ABCD3: variants seen among roughly 807,000 people sequenced by gnomAD.
The protein encoded by ABCD3 is ATP-binding cassette sub-family D member 3.
ABCD3 carries 41 observed loss-of-function variants against 105.5 expected under a neutral mutation model. The ratio of observed to expected loss-of-function variants is 0.39; its 90% CI spans 0.30 to 0.50. ABCD3 has a LOEUF of 0.50. Among genes scored for constraint, ABCD3 ranks in the 20% least tolerant of loss-of-function variants. ABCD3 has a pLI of 0.84. For missense variants in ABCD3, 622 were observed against 806.3 expected (o/e 0.77, Z 2.77); for synonymous variants, 258 against 269.0 (o/e 0.96, Z 0.40).
At chr1:94,448,183 T>A (rs1660430513) in intron 1 of ABCD3, among the ~76,000 whole-genome samples, 2 of 152,194 alleles carry the variant, frequency 1.3e-5, no homozygotes, top group African/African-American at 4.8e-5. Flanking sequence ...CTTATTTGGA[T>A]CAAATTGCTA....
intron 1 of ABCD3, among the ~76,000 whole-genome samples, chr1:94,420,619 A>G (rs1212455030): frequency 6.6e-6 from 1 of 152,136 alleles, no homozygotes. Flanking sequence ...CATGAAGTTT[A>G]AATTGTTGAG....
At chr1:94,421,562 ATGTGTGTG>A (rs3073023) in intron 1 of ABCD3, among the ~76,000 whole-genome samples, 45 of 149,028 alleles carry the variant, frequency 3.0e-4, no homozygotes, top group South Asian at 1.7e-3. Flanking sequence ...GAGCTATAAG[ATGTGTGTG>A]TGTGTGTGTG....
chr1:94,388,619 A>G, the ABCD3 span, among the ~76,000 whole-genome samples: 3 of 152,196 alleles, frequency 2.0e-5, no homozygotes, highest in Non-Finnish European at 4.4e-5. Context: ...CCGAGGTGAT[A>G]AAGTTATCTA....
upstream of ABCD3, among the ~76,000 whole-genome samples, chr1:94,418,078 G>A (rs904086957): frequency 2.6e-5 from 4 of 152,174 alleles, no homozygotes; most frequent in African/African-American, 4.8e-5. Flanking sequence ...GTCGCTGCAG[G>A]CCAGGCCCGC....
At chr1:94,472,986 C>G (rs1458635988) in intron 4 of ABCD3, among the ~76,000 whole-genome samples, 1 of 152,002 alleles carries the variant, frequency 6.6e-6, no homozygotes, top group Non-Finnish European at 1.5e-5. Flanking sequence ...AGTTTTAGAA[C>G]CCTTTTTAAA....
intron 10 of ABCD3, among the ~76,000 whole-genome samples, chr1:94,483,699 A>T (rs1317521459): frequency 5.0e-4 from 74 of 149,340 alleles, no homozygotes; most frequent in South Asian, 1.3e-3. Flanking sequence ...CCTAGAAGAA[A>T]ACCTAGGCAA....
At chr1:94,436,465 C>G (rs1014051862) in intron 1 of ABCD3, among the ~76,000 whole-genome samples, 1 of 152,124 alleles carries the variant, frequency 6.6e-6, no homozygotes, top group African/African-American at 2.4e-5. Flanking sequence ...TAGGCTCTTT[C>G]CATTCTTCCT....
the ABCD3 span, among the ~76,000 whole-genome samples, chr1:94,402,133 T>C: frequency 6.6e-6 from 1 of 152,248 alleles, no homozygotes; most frequent in Admixed American, 6.5e-5. Context: ...CAGTTCTTCC[T>C]TTTTATTGAA....
chr1:94,509,285 C>T (rs1291869382), intron 21 of ABCD3, among the ~76,000 whole-genome samples: 1 of 152,162 alleles, frequency 6.6e-6, no homozygotes, highest in Non-Finnish European at 1.5e-5. Flanking sequence ...TGCTGGATTA[C>T]ATTTATTGAT....
chr1:94,460,307 T>C (rs778846770), intron 2 of ABCD3, among the ~76,000 whole-genome samples: 2 of 152,192 alleles, frequency 1.3e-5, no homozygotes, highest in Non-Finnish European at 1.5e-5. Context: ...AAATTTAATT[T>C]GCCTTTCCTT....
chr1:94,388,654 TC>T, the ABCD3 span, among the ~76,000 whole-genome samples: 2 of 152,068 alleles, frequency 1.3e-5, no homozygotes, highest in African/African-American at 4.8e-5. Flanking sequence ...CCTATTCAGA[TC>T]ACGTGGCCAC....
intron 20 of ABCD3, among the ~76,000 whole-genome samples, chr1:94,501,244 G>A (rs1650080086): frequency 7.1e-6 from 1 of 140,200 alleles, no homozygotes; most frequent in Admixed American, 7.5e-5. Flanking sequence ...CAGGGCAACA[G>A]AGCAAGACTC....
the ABCD3 span, among the ~76,000 whole-genome samples, chr1:94,397,167 A>G: frequency 7.0e-4 from 107 of 152,380 alleles, no homozygotes; most frequent in African/African-American, 2.5e-3. Flanking sequence ...CAGATAGTAC[A>G]GAGAATCCTT....
At chr1:94,457,049 G>T (rs986097803) in intron 1 of ABCD3, among the ~76,000 whole-genome samples, 1 of 152,034 alleles carries the variant, frequency 6.6e-6, no homozygotes, top group African/African-American at 2.4e-5. Context: ...TATGTCTTTT[G>T]AGAAATGTCT....
At position 94,487,807 on chromosome 1, in the gene ABCD3, T is replaced by C; in HGVS notation, c.1065+16T>C. 6.2e-7 allele frequency: 1 copy of C among 1,612,676 alleles called. No individual in the cohort carries two copies. Among genetic ancestry groups the C allele is most frequent in the South Asian group, 1.1e-5 (1 of 91,046 alleles). ...ACTTCTAGAGGTAAACTGATGATAA[T>C]ACAATGAAAATGTAACAGTAAAAAT... On this transcript the variant is annotated intron_variant, in intron 12 of 22. Transcript: ENST00000370214.
chr1:94,391,945 C>T, the ABCD3 span, among the ~76,000 whole-genome samples: 1 of 152,130 alleles, frequency 6.6e-6, no homozygotes, highest in Non-Finnish European at 1.5e-5. Flanking sequence ...AATTTTTCAT[C>T]TGCCACACAG....
At chr1:94,478,790 A>G in intron 8 of ABCD3, 3 of 622,446 alleles carry the variant, frequency 4.8e-6, no homozygotes, top group Non-Finnish European at 6.8e-6. Flanking sequence ...TTTTAATATG[A>G]AATTCTAATG....
intron 5 of ABCD3, among the ~76,000 whole-genome samples, chr1:94,474,142 C>T (rs1438774759): frequency 6.8e-6 from 1 of 147,044 alleles, no homozygotes; most frequent in East Asian, 2.0e-4. Flanking sequence ...TTAGCATCAT[C>T]AATGACCATT....
chr1:94,458,707 G>A (rs1017932780), intron 2 of ABCD3, 64 bp downstream of exon 2: 1 of 1,499,520 alleles, frequency 6.7e-7, no homozygotes, highest in African/African-American at 1.4e-5. Context: ...TTTGTCATAT[G>A]ATTCTGATTT....
Sources: allele counts gnomAD v4.1 joint callset (sites outside exome capture counted in the v4.1 genomes callset), GRCh38; gene constraint gnomAD v4.1.1; transcripts MANE v1.5; gene names NCBI Gene and HGNC (gene_info 2026-07-23, HGNC 2026-07-21).